MTUS2: variants seen among roughly 807,000 people sequenced by gnomAD.
The protein encoded by MTUS2 is microtubule-associated tumor suppressor candidate 2.
Under a neutral mutation model 114.1 loss-of-function variants are expected in MTUS2, and 40 were observed. The observed-to-expected ratio is 0.35, with a 90% CI of 0.27 to 0.46. The LOEUF (loss-of-function observed/expected upper bound fraction) is 0.46. Ranked by LOEUF, MTUS2 falls within the 20% of genes least tolerant of loss-of-function variation. The pLI, the probability that MTUS2 is intolerant of heterozygous loss-of-function variation, is 1.00. For missense variants in MTUS2, 1,679 were observed against 1,705.4 expected, an observed-to-expected ratio of 0.98 and a Z score of 0.27; for synonymous variants, 688 against 672.0, an observed-to-expected ratio of 1.02 and a Z score of -0.37.
rs1798338286 is a variant in MTUS2 at position 29,024,652 on chromosome 13, C to T, written c.-47C>T. 3 of 1,585,076 alleles carry T rather than the reference C, an allele frequency of 1.9e-6. No individual in the cohort carries two copies. The highest frequency in any genetic ancestry group is 2.7e-5 in the African/African-American group (2 of 74,036). On this transcript the variant is annotated 5_prime_UTR_variant, in exon 3 of 16. Coordinates refer to ENST00000612955, the MANE Select transcript of MTUS2 (RefSeq NM_001033602.4). ...ATTGCAGCTTGAAGGCAGCCCATTTCCATTAAGTAGGACTGCATGGCAAGC... is the reference window on the plus strand; with the variant it reads ...ATTGCAGCTTGAAGGCAGCCCATTTTCATTAAGTAGGACTGCATGGCAAGC...
At chr13:29,405,163 T>G (rs1466290307) in intron 8 of MTUS2, among the ~76,000 whole-genome samples, 2 of 152,224 alleles carry the variant, frequency 1.3e-5, no homozygotes, top group Non-Finnish European at 2.9e-5. Context: ...GAATCACCTG[T>G]TCTTCTTGAC....
chr13:29,087,065 T>C (rs1889724072), intron 4 of MTUS2, among the ~76,000 whole-genome samples: 1 of 152,206 alleles, frequency 6.6e-6, no homozygotes, highest in Non-Finnish European at 1.5e-5. Flanking sequence ...TAATTTGACT[T>C]CCTCTCTTCC....
chr13:29,042,570 A>C (rs1162771922), intron 4 of MTUS2, among the ~76,000 whole-genome samples: 1 of 152,132 alleles, frequency 6.6e-6, no homozygotes, highest in Non-Finnish European at 1.5e-5. Context: ...GGTCTCATAG[A>C]ATTCAACTGT....
intron 4 of MTUS2, among the ~76,000 whole-genome samples, chr13:29,054,446 T>TAA (rs1354393972): frequency 3.9e-5 from 6 of 152,150 alleles, no homozygotes; most frequent in Non-Finnish European, 5.9e-5. Flanking sequence ...GTACCTTACT[T>TAA]AAATAAGGTA....
chr13:29,296,821 A>T (rs1286157619), intron 6 of MTUS2, among the ~76,000 whole-genome samples: 2 of 151,996 alleles, frequency 1.3e-5, no homozygotes, highest in Non-Finnish European at 2.9e-5. Flanking sequence ...GAGTTGTTTA[A>T]GTTCTTTTTA....
At chr13:29,172,278 A>T (rs1162800172) in intron 5 of MTUS2, among the ~76,000 whole-genome samples, 1 of 152,190 alleles carries the variant, frequency 6.6e-6, no homozygotes, top group East Asian at 1.9e-4. Context: ...TGTCCAAGAT[A>T]ACTTCCCCCT....
chr13:29,309,040 C>T (rs1899621404), intron 6 of MTUS2, among the ~76,000 whole-genome samples: 1 of 152,132 alleles, frequency 6.6e-6, no homozygotes, highest in Admixed American at 6.5e-5. Flanking sequence ...GACCTAGAGG[C>T]AGAAATACCA....
rs187209608 is a variant in MTUS2, at chr13:29,075,179, T to C, written c.2447-25594T>C. 1.9e-3 allele frequency among the ~76,000 whole-genome samples: 283 copies of C among 152,326 alleles called. No individual in the cohort carries two copies. The Middle Eastern group carries it at 0.021, about 11-fold the overall frequency. The stretch of plus-strand genomic sequence containing the variant: ...AGGTTCATCCAGTTTACACCATATA[T>C]CAGCATTTCATTCCTGTGTTAATCT... On this transcript the variant is annotated intron_variant, in intron 4 of 15. Coordinates refer to ENST00000612955, the MANE Select transcript of MTUS2 (RefSeq NM_001033602.4).
At chr13:29,154,009 T>C (rs1389511427) in intron 5 of MTUS2, among the ~76,000 whole-genome samples, 1 of 152,196 alleles carries the variant, frequency 6.6e-6, no homozygotes, top group Non-Finnish European at 1.5e-5. Context: ...AATCTACTTG[T>C]CCCTGTTCAG....
chr13:29,343,850 A>G (rs894019314), intron 7 of MTUS2, among the ~76,000 whole-genome samples: 1 of 152,066 alleles, frequency 6.6e-6, no homozygotes, highest in African/African-American at 2.4e-5. Context: ...AATAAGTTGT[A>G]TCACTGTTAT....
chr13:29,466,898 A>G lies in MTUS2; in HGVS notation c.3185-13252A>G, dbSNP rs1204078028. On this transcript the variant is annotated intron_variant, in intron 9 of 15. Coordinates refer to ENST00000612955, the MANE Select transcript of MTUS2 (RefSeq NM_001033602.4). ...TCTCAAAAAAAAAAAAAAAAAAAAG[A>G]AAAGAAAGAAAGAGAGGTGCCTTCC... Among the ~76,000 whole-genome samples the G allele has an allele frequency of 3.4e-5, 5 of 147,336 alleles. No individual in the cohort carries two copies. The South Asian group carries it at 6.5e-4, about 19-fold the overall frequency.
chr13:29,319,709 A>G (rs1294925444), intron 6 of MTUS2, among the ~76,000 whole-genome samples: 1 of 152,134 alleles, frequency 6.6e-6, no homozygotes, highest in Non-Finnish European at 1.5e-5. Context: ...TGATTCCCCA[A>G]AGGTCAGCAG....
At chr13:29,436,439 A>G (rs926136332) in intron 8 of MTUS2, among the ~76,000 whole-genome samples, 1 of 152,214 alleles carries the variant, frequency 6.6e-6, no homozygotes, top group African/African-American at 2.4e-5. Context: ...GGCTTACCTA[A>G]CATTGTGCCT....
intron 5 of MTUS2, among the ~76,000 whole-genome samples, chr13:29,210,846 A>ACT (rs1167037543): frequency 9.5e-6 from 1 of 105,672 alleles, no homozygotes; most frequent in Non-Finnish European, 2.2e-5. Flanking sequence ...AGTGAAATGG[A>ACT]CTCTGAGAGA....
chr13:29,495,932 G>C, intron 12 of MTUS2, among the ~76,000 whole-genome samples: 1 of 151,820 alleles, frequency 6.6e-6, no homozygotes, highest in Non-Finnish European at 1.5e-5. Flanking sequence ...GTGTGTGTGT[G>C]TGTATCTATA....
chr13:28,907,580 A>G (rs1314500642), intron 2 of MTUS2, among the ~76,000 whole-genome samples: 2 of 151,464 alleles, frequency 1.3e-5, no homozygotes, highest in Non-Finnish European at 2.9e-5. Context: ...AATGGAAAAC[A>G]AAAAAAGGCA....
At chr13:28,907,868 T>A (rs554419724) in intron 2 of MTUS2, among the ~76,000 whole-genome samples, 4 of 151,734 alleles carry the variant, frequency 2.6e-5, no homozygotes, top group African/African-American at 7.3e-5. Context: ...GACAGTTCTT[T>A]TCTTTCAGCA....
At chr13:29,170,895 TTA>T (rs1893527904) in intron 5 of MTUS2, among the ~76,000 whole-genome samples, 2 of 141,066 alleles carry the variant, frequency 1.4e-5, no homozygotes, top group Non-Finnish European at 3.1e-5. Context: ...AAAAACATCT[TTA>T]AAAAATGTGG....
chr13:29,244,177 G>A (rs1289788557), intron 5 of MTUS2, among the ~76,000 whole-genome samples: 1 of 152,160 alleles, frequency 6.6e-6, no homozygotes, highest in East Asian at 1.9e-4. Context: ...GAGTAGGGTG[G>A]GGAGTTGAAC....
Sources: allele counts gnomAD v4.1 joint callset (sites outside exome capture counted in the v4.1 genomes callset), GRCh38; gene constraint gnomAD v4.1.1; transcripts MANE v1.5; gene names NCBI Gene and HGNC (gene_info 2026-07-23, HGNC 2026-07-21).